Variants in RNF6 observed in about 807,000 individuals in gnomAD.
RNF6 encodes the protein E3 ubiquitin-protein ligase RNF6.
In RNF6, 21 loss-of-function variants were observed where a neutral mutation model predicts 50.1. That is an observed-to-expected ratio of 0.42 (90% CI 0.30 to 0.60). The LOEUF (loss-of-function observed/expected upper bound fraction) is 0.60. Among genes scored for constraint, RNF6 ranks in the 20% least tolerant of loss-of-function variants. RNF6 has a pLI of 0.20. For missense variants in RNF6, 698 were observed against 838.2 expected, an observed-to-expected ratio of 0.83 and a Z score of 2.07; for synonymous variants, 255 against 291.8, an observed-to-expected ratio of 0.87 and a Z score of 1.29.
intron 5 of RNF6, among the ~76,000 whole-genome samples, chr13:26,163,412 A>G (rs1047479998): frequency 6.6e-6 from 1 of 152,212 alleles, no homozygotes; most frequent in Non-Finnish European, 1.5e-5. Flanking sequence ...CTCATGCATC[A>G]TGTAATTTCA....
chr13:26,164,654 T>A (rs1396224328), intron 5 of RNF6, among the ~76,000 whole-genome samples: 4 of 152,194 alleles, frequency 2.6e-5, no homozygotes, highest in Admixed American at 2.6e-4. Flanking sequence ...GTGTACCTGA[T>A]AATTCTGCTA....
intron 4 of RNF6, 112 bp downstream of exon 4, chr13:26,218,399 C>T: frequency 1.3e-6 from 1 of 756,626 alleles, no homozygotes; most frequent in East Asian, 2.5e-5. Flanking sequence ...GAATGAGTAT[C>T]ACATTAAAAC....
intron 5 of RNF6, among the ~76,000 whole-genome samples, chr13:26,188,925 G>T (rs992399045): frequency 5.3e-5 from 8 of 151,934 alleles, no homozygotes; most frequent in African/African-American, 1.5e-4. Flanking sequence ...ACTGCGCCCG[G>T]CTCAGAACAG....
intron 5 of RNF6, among the ~76,000 whole-genome samples, chr13:26,136,789 G>A (rs1270710016): frequency 1.3e-5 from 2 of 152,010 alleles, no homozygotes; most frequent in African/African-American, 2.4e-5. Context: ...ATATGATAAA[G>A]GATCTCCAAA....
chr13:26,210,829 C>T (rs1360041923), downstream of RNF6, among the ~76,000 whole-genome samples: 2 of 151,980 alleles, frequency 1.3e-5, no homozygotes, highest in East Asian at 1.9e-4. Flanking sequence ...AAAATAACCT[C>T]GTAAGAGTGA....
chr13:26,186,073 G>A (rs1198245159), intron 5 of RNF6, among the ~76,000 whole-genome samples: 1 of 152,188 alleles, frequency 6.6e-6, no homozygotes, highest in African/African-American at 2.4e-5. Flanking sequence ...AAATGCGATA[G>A]GGAAGCCAGT....
At chr13:26,168,679 C>A (rs1872556693) in intron 5 of RNF6, among the ~76,000 whole-genome samples, 1 of 152,228 alleles carries the variant, frequency 6.6e-6, no homozygotes. Flanking sequence ...GTAGATCCTG[C>A]AGCAAGAAGG....
At chr13:26,166,006 T>A (rs1229331575) in intron 5 of RNF6, among the ~76,000 whole-genome samples, 1 of 152,178 alleles carries the variant, frequency 6.6e-6, no homozygotes, top group East Asian at 1.9e-4. Flanking sequence ...TGTTATGGTT[T>A]GGCTGTGTCC....
At chr13:26,209,006 T>C (rs1869214249), downstream of RNF6, among the ~76,000 whole-genome samples, 1 of 152,228 alleles carries the variant, frequency 6.6e-6, no homozygotes, top group South Asian at 2.1e-4. Flanking sequence ...ACCATGGCTA[T>C]TCCTTTAGCA....
intron 5 of RNF6, among the ~76,000 whole-genome samples, chr13:26,184,005 T>A (rs1873371425): frequency 9.4e-5 from 1 of 10,692 alleles, no homozygotes; most frequent in Non-Finnish European, 2.6e-4. Flanking sequence ...TATATATATA[T>A]ATATATATAT....
chr13:26,149,924 ATATATATACACAGTGTATATATAATGTG>A (rs1158302503), intron 5 of RNF6, among the ~76,000 whole-genome samples: 90 of 99,734 alleles, frequency 9.0e-4, no homozygotes, highest in South Asian at 1.6e-3. Context: ...TAATGTGTAT[ATATATATACACAGTGTATATATAATGTG>A]TATATATATA....
At chr13:26,175,932 G>T (rs927818813) in intron 5 of RNF6, among the ~76,000 whole-genome samples, 1 of 152,060 alleles carries the variant, frequency 6.6e-6, no homozygotes, top group Admixed American at 6.6e-5. Context: ...CAAGCAGGGG[G>T]TGGAGGAGAT....
At chr13:26,152,944 G>A (rs1427188113) in intron 5 of RNF6, among the ~76,000 whole-genome samples, 1 of 152,028 alleles carries the variant, frequency 6.6e-6, no homozygotes, top group Non-Finnish European at 1.5e-5. Context: ...CATGAGGTCA[G>A]GAGTTCGAGA....
intron 5 of RNF6, among the ~76,000 whole-genome samples, chr13:26,205,422 T>C (rs1869068067): frequency 6.6e-6 from 1 of 152,188 alleles, no homozygotes; most frequent in Non-Finnish European, 1.5e-5. Context: ...CCTCACCCTG[T>C]TAAGGGGTCA....
intron 5 of RNF6, among the ~76,000 whole-genome samples, chr13:26,180,648 T>C (rs80087748): frequency 0.064 from 9,703 of 152,336 alleles, 418 homozygotes; most frequent in Middle Eastern, 0.13. Context: ...TCTCTGACTT[T>C]ATGTCCGTAT....
chr13:26,195,429 T>C (rs772292886), intron 5 of RNF6, among the ~76,000 whole-genome samples: 1 of 151,946 alleles, frequency 6.6e-6, no homozygotes, highest in African/African-American at 2.4e-5. Flanking sequence ...ACACATATAA[T>C]AGGAATTCCA....
At chr13:26,202,263 C>T (rs546326535) in intron 5 of RNF6, among the ~76,000 whole-genome samples, 6 of 152,162 alleles carry the variant, frequency 3.9e-5, no homozygotes, top group Non-Finnish European at 8.8e-5. Flanking sequence ...AGACAATGAG[C>T]ATGGAATCTC....
chr13:26,213,679 G>T lies in RNF6; in HGVS notation c.*145C>A. ...TTTTATATAAATTTCTTTTTAACAA[G>T]TTTAAAAAAGCACACGAAAAATAGT... On this transcript the variant is annotated 3_prime_UTR_variant, in exon 5 of 5. Coordinates refer to ENST00000381588, the MANE Select transcript of RNF6 (RefSeq NM_005977.4). The T allele has an allele frequency of 1.9e-6, 1 of 516,088 alleles. No individual in the cohort carries two copies. Among genetic ancestry groups the T allele is most frequent in the Non-Finnish European group, 3.1e-6 (1 of 318,232 alleles). The allele number at this position is 516,088 out of a possible 1,614,324, so 32.0% of individuals were successfully genotyped here.
At chr13:26,166,557 A>G (rs1872460273) in intron 5 of RNF6, among the ~76,000 whole-genome samples, 1 of 152,208 alleles carries the variant, frequency 6.6e-6, no homozygotes, top group South Asian at 2.1e-4. Flanking sequence ...CTATACACCA[A>G]CAACAGCCAA....
Sources: gnomAD v4.1 joint callset for allele counts (sites outside exome capture counted in the v4.1 genomes callset) on GRCh38, gnomAD v4.1.1 for gene constraint, MANE v1.5 for transcripts, NCBI Gene and HGNC (gene_info 2026-07-23, HGNC 2026-07-21) for gene names.